LRRC7: variants seen among roughly 807,000 people sequenced by gnomAD.
LRRC7 encodes leucine-rich repeat-containing protein 7.
A neutral mutation model predicts 175.7 loss-of-function variants in LRRC7; 23 were observed. That is an observed-to-expected ratio of 0.13 (90% CI 0.09 to 0.19). LRRC7 has a LOEUF of 0.19. Among genes scored for constraint, LRRC7 ranks in the 10% least tolerant of loss-of-function variants. The pLI is 1.00. For synonymous variants in LRRC7, 685 were observed against 680.9 expected (o/e 1.01, Z -0.09); for missense variants, 1,354 against 1,904.7 (o/e 0.71, Z 5.38).
At chr1:69,702,998 G>T (rs1663562560) in intron 2 of LRRC7, among the ~76,000 whole-genome samples, 1 of 152,038 alleles carries the variant, frequency 6.6e-6, no homozygotes, top group Admixed American at 6.6e-5. Context: ...ATTAAGCAAA[G>T]TTCAGCAGGT....
chr1:69,778,489 T>C (rs1673068632), intron 3 of LRRC7, among the ~76,000 whole-genome samples: 2 of 152,206 alleles, frequency 1.3e-5, no homozygotes, highest in South Asian at 4.1e-4. Flanking sequence ...GAAATATATA[T>C]GCAAGAGTAT....
At chr1:69,930,118 C>T (rs943987930) in intron 7 of LRRC7, among the ~76,000 whole-genome samples, 2 of 152,078 alleles carry the variant, frequency 1.3e-5, no homozygotes, top group African/African-American at 4.8e-5. Flanking sequence ...GCACTTGTAA[C>T]CTTTTAATAT....
chr1:69,948,999 T>C (rs1220154493), intron 8 of LRRC7, among the ~76,000 whole-genome samples: 2 of 152,158 alleles, frequency 1.3e-5, no homozygotes, highest in Admixed American at 1.3e-4. Context: ...CGTAACTGTC[T>C]AGAAATCTTT....
chr1:69,818,435 A>C (rs910610877), intron 4 of LRRC7, among the ~76,000 whole-genome samples: 1 of 152,012 alleles, frequency 6.6e-6, no homozygotes, highest in Non-Finnish European at 1.5e-5. Flanking sequence ...TGGATGATAA[A>C]CCATCTTTGC....
At chr1:69,643,143 T>C (rs970860580) in intron 1 of LRRC7, among the ~76,000 whole-genome samples, 4 of 152,090 alleles carry the variant, frequency 2.6e-5, no homozygotes, top group Admixed American at 6.6e-5. Context: ...CTCAGGAAGA[T>C]AGGGGAAGCA....
chr1:69,683,129 T>A (rs1660704835), intron 2 of LRRC7, among the ~76,000 whole-genome samples: 1 of 152,140 alleles, frequency 6.6e-6, no homozygotes, highest in African/African-American at 2.4e-5. Flanking sequence ...CTTCCTCCAG[T>A]GTTTTCTGTC....
At chr1:70,003,025 C>T (rs1211232956) in intron 11 of LRRC7, among the ~76,000 whole-genome samples, 1 of 152,186 alleles carries the variant, frequency 6.6e-6, no homozygotes, top group African/African-American at 2.4e-5. Context: ...TAGATGTTTA[C>T]TTCTCACAGT....
intron 1 of LRRC7, among the ~76,000 whole-genome samples, chr1:69,655,575 A>G (rs1474365732): frequency 6.6e-6 from 1 of 152,058 alleles, no homozygotes; most frequent in African/African-American, 2.4e-5. Flanking sequence ...TTTAGCTTGT[A>G]TTGGGTCACA....
chr1:69,588,779 T>A (rs1245712368), intron 1 of LRRC7, among the ~76,000 whole-genome samples: 1 of 152,194 alleles, frequency 6.6e-6, no homozygotes, highest in African/African-American at 2.4e-5. Flanking sequence ...AGGTTTAAAT[T>A]TATAGTCACT....
chr1:69,644,257 G>GT (rs1005895469), intron 1 of LRRC7, among the ~76,000 whole-genome samples: 4 of 151,846 alleles, frequency 2.6e-5, no homozygotes, highest in African/African-American at 9.7e-5. Flanking sequence ...GAGATATTGT[G>GT]TTTTTTAAGT....
chr1:70,045,939 A>G (rs537694395), intron 22 of LRRC7, among the ~76,000 whole-genome samples: 1 of 152,192 alleles, frequency 6.6e-6, no homozygotes, highest in South Asian at 2.1e-4. Context: ...ACCTGGCCCC[A>G]CCCTTGACAC....
chr1:69,984,391 T>A (rs145101421), intron 9 of LRRC7, among the ~76,000 whole-genome samples: 2 of 152,294 alleles, frequency 1.3e-5, no homozygotes, highest in East Asian at 3.9e-4. Flanking sequence ...ATGTATTTAT[T>A]GTGTATTTGT....
chr1:70,047,605 GAAC>G (rs1416681245), intron 22 of LRRC7, among the ~76,000 whole-genome samples: 1 of 151,948 alleles, frequency 6.6e-6, no homozygotes, highest in African/African-American at 2.4e-5. Context: ...ATATTTATAT[GAAC>G]AAAAAGGGAG....
At chr1:69,905,871 C>G (rs1318978134) in intron 7 of LRRC7, among the ~76,000 whole-genome samples, 4 of 152,206 alleles carry the variant, frequency 2.6e-5, no homozygotes, top group African/African-American at 4.8e-5. Flanking sequence ...TACAGTCCCA[C>G]CAACAGTGTA....
chr1:69,672,708 G>GTAAATCT, intron 1 of LRRC7, among the ~76,000 whole-genome samples: 1 of 152,092 alleles, frequency 6.6e-6, no homozygotes. Flanking sequence ...ATTTCAACTA[G>GTAAATCT]ATTTTCATGC....
In LRRC7 at chr1:69,908,112, C is replaced by G. The variant is rs1646385207; in HGVS notation, c.648-23395C>G. The stretch of plus-strand genomic sequence containing the variant: ...TCTGTGACATCAGTGGTGATATCGC[C>G]TTTATCATTTTTTATTGCGTCTATT... On this transcript the variant is annotated intron_variant, in intron 7 of 26. Transcript: ENST00000651989. 2.0e-5 allele frequency among the ~76,000 whole-genome samples: 3 copies of G among 152,218 alleles called. No homozygotes were observed. The South Asian group carries it at 6.2e-4, about 32-fold the overall frequency.
chr1:69,978,245 T>C (rs1653032608), intron 8 of LRRC7, among the ~76,000 whole-genome samples: 1 of 143,728 alleles, frequency 7.0e-6, no homozygotes, highest in African/African-American at 2.6e-5. Context: ...ATCGCACCAC[T>C]GCACTCCAGC....
At chr1:69,587,622 T>C (rs1473716371) in intron 1 of LRRC7, among the ~76,000 whole-genome samples, 2 of 152,016 alleles carry the variant, frequency 1.3e-5, no homozygotes, top group African/African-American at 4.8e-5. Context: ...AATCTCCACG[T>C]GTTGAGGGAG....
intron 24 of LRRC7, among the ~76,000 whole-genome samples, chr1:70,085,522 A>G (rs560119016): frequency 2.0e-5 from 3 of 152,234 alleles, no homozygotes; most frequent in Admixed American, 1.3e-4. Flanking sequence ...ATCCATCTTT[A>G]GGGCATTTAT....
Sources: allele counts gnomAD v4.1 joint callset (sites outside exome capture counted in the v4.1 genomes callset), GRCh38; gene constraint gnomAD v4.1.1; transcripts MANE v1.5; gene names NCBI Gene and HGNC (gene_info 2026-07-23, HGNC 2026-07-21).